ALKBH1: variants seen among roughly 807,000 people sequenced by gnomAD.
The protein encoded by ALKBH1 is alkB homolog 1, histone H2A dioxygenase.
ALKBH1 carries 31 observed loss-of-function variants against 36.6 expected under a neutral mutation model. The observed-to-expected ratio is 0.85, with a 90% CI of 0.64 to 1.14. ALKBH1 has a LOEUF of 1.14. Among genes scored for constraint, ALKBH1 ranks in the 50% most tolerant of loss-of-function variants. ALKBH1 has a pLI of 0.00. For missense variants in ALKBH1, 490 were observed against 497.3 expected, an observed-to-expected ratio of 0.99 and a Z score of 0.14; for synonymous variants, 183 against 186.6, an observed-to-expected ratio of 0.98 and a Z score of 0.16.
Position 77,673,532 on chromosome 14 carries a change from C to A in ALKBH1, c.*280G>T. 1 of 391,680 alleles carries A rather than the reference C, an allele frequency of 2.6e-6. No homozygotes were observed. The highest frequency in any genetic ancestry group is 4.6e-6 in the Non-Finnish European group (1 of 216,318). 24.3% of individuals were successfully genotyped at this position (391,680 alleles called of 1,614,324 possible). The stretch of plus-strand genomic sequence containing the variant: ...CCTTCCTCAAAGGAAATAGCAGAGG[C>A]TGAGAAGGCTGTTGTGGAAGAACAT... On this transcript the variant is annotated 3_prime_UTR_variant, in exon 6 of 6. Coordinates refer to ENST00000216489, the MANE Select transcript of ALKBH1 (RefSeq NM_006020.3).
chr14:77,673,526 C>T lies in ALKBH1; in HGVS notation c.*286G>A. 1 of 373,406 alleles carries T rather than the reference C, an allele frequency of 2.7e-6. No individual in the cohort carries two copies. The highest frequency in any genetic ancestry group is 4.9e-6 in the Non-Finnish European group (1 of 205,626). 23.1% of individuals were successfully genotyped at this position (373,406 alleles called of 1,614,324 possible). A position where few individuals can be genotyped will look rare whatever the true frequency, so the allele number is the denominator to read the frequency against. On this transcript the variant is annotated 3_prime_UTR_variant, in exon 6 of 6. Coordinates refer to ENST00000216489, the MANE Select transcript of ALKBH1 (RefSeq NM_006020.3). ...CTTCTACCTTCCTCAAAGGAAATAG[C>T]AGAGGCTGAGAAGGCTGTTGTGGAA...
chr14:77,692,916 A>AGT (rs1555384383), intron 3 of ALKBH1, among the ~76,000 whole-genome samples: 2 of 150,716 alleles, frequency 1.3e-5, no homozygotes, highest in African/African-American at 2.4e-5. Flanking sequence ...AAAAAAAAAA[A>AGT]TTTTTTTGGG....
intron 3 of ALKBH1, among the ~76,000 whole-genome samples, chr14:77,685,232 T>C (rs761352809): frequency 5.3e-5 from 8 of 151,774 alleles, no homozygotes; most frequent in Non-Finnish European, 8.8e-5. Flanking sequence ...CTCTTAAGGC[T>C]AGGAGTTCAA....
intron 3 of ALKBH1, among the ~76,000 whole-genome samples, chr14:77,681,241 T>C (rs557239083): frequency 1.5e-3 from 236 of 152,294 alleles, no homozygotes; most frequent in African/African-American, 5.3e-3. Flanking sequence ...TAAAGTCTAG[T>C]ACTAAAGTAA....
rs2080354258 is a variant in ALKBH1, at chr14:77,700,620, C to T, written c.292+3749G>A. Among the ~76,000 whole-genome samples, 3 of 152,140 alleles carry T rather than the reference C, an allele frequency of 2.0e-5. No individual in the cohort carries two copies. The South Asian group carries it at 6.2e-4, about 32-fold the overall frequency. On this transcript the variant is annotated intron_variant, in intron 2 of 5. Coordinates refer to ENST00000216489, the MANE Select transcript of ALKBH1 (RefSeq NM_006020.3). ...AGATAGGAAACCCCCCAACAACCTA[C>T]CACCTGCTATCACCACAATTTCACG...
intron 2 of ALKBH1, among the ~76,000 whole-genome samples, chr14:77,697,697 T>TAAAAAA (rs57516221): frequency 5.0e-4 from 52 of 104,590 alleles, no homozygotes; most frequent in East Asian, 1.8e-3. Context: ...TTTGCTGTAA[T>TAAAAAA]AAAAAAAAAA....
intron 2 of ALKBH1, among the ~76,000 whole-genome samples, chr14:77,700,205 G>T (rs1041033578): frequency 6.6e-6 from 1 of 152,106 alleles, no homozygotes; most frequent in Non-Finnish European, 1.5e-5. Context: ...TGCCATCGTA[G>T]AAATACACAG....
chr14:77,680,688 T>C lies in ALKBH1; in HGVS notation c.456-718A>G, dbSNP rs1163769780. On this transcript the variant is annotated intron_variant, in intron 3 of 5. Transcript: ENST00000216489. Reference sequence around the variant, plus strand: ...TGTGATTAACTACTCTTTTTTTTTTTTTTTTTTTGAGACAGAGTTTCGCTC... The same window carrying C: ...TGTGATTAACTACTCTTTTTTTTTTCTTTTTTTTGAGACAGAGTTTCGCTC... Among the ~76,000 whole-genome samples, 5 of 149,794 alleles carry C rather than the reference T, an allele frequency of 3.3e-5. No individual in the cohort carries two copies. The East Asian group carries it at 7.8e-4, about 23-fold the overall frequency.
intron 3 of ALKBH1, among the ~76,000 whole-genome samples, chr14:77,692,634 C>T (rs966351093): frequency 6.6e-6 from 1 of 152,056 alleles, no homozygotes; most frequent in Admixed American, 6.6e-5. Context: ...TCACTAAAAC[C>T]TTTACCATCT....
At chr14:77,686,464 A>G (rs993606114) in intron 3 of ALKBH1, among the ~76,000 whole-genome samples, 2 of 152,126 alleles carry the variant, frequency 1.3e-5, no homozygotes, top group African/African-American at 4.8e-5. Flanking sequence ...ACTAAAAAAG[A>G]AACATGCTAT....
chr14:77,702,260 C>T (rs2080363512), intron 2 of ALKBH1, among the ~76,000 whole-genome samples: 1 of 152,092 alleles, frequency 6.6e-6, no homozygotes, highest in South Asian at 2.1e-4. Context: ...GAGATCACAC[C>T]ACTGCACTCC....
In ALKBH1 at chr14:77,704,413, T is replaced by C. The variant is rs771662908; in HGVS notation, c.248A>G (p.Gln83Arg). The change falls in exon 2 of 6, where the codon CAG becomes CGG. Residue 83 changes from glutamine to arginine, a missense_variant. Transcript: ENST00000216489. ...SEQNAYRAGL[Q>R]PVSKWQAYGL... ...ATAGGCTTGCCACTTGCTGACGGGC[T>C]GAAGACCTGCTCTATATGCATTCTG... 6 of 1,614,208 alleles carry C rather than the reference T, an allele frequency of 3.7e-6. No homozygotes were observed. Among genetic ancestry groups the C allele is most frequent in the Non-Finnish European group, 5.1e-6 (6 of 1,180,028 alleles).
intron 2 of ALKBH1, among the ~76,000 whole-genome samples, chr14:77,695,581 C>T (rs1296449629): frequency 6.6e-6 from 1 of 152,182 alleles, no homozygotes; most frequent in African/African-American, 2.4e-5. Flanking sequence ...GTCCCTTTTC[C>T]AAGCTTCTCA....
In ALKBH1 at chr14:77,707,951, G is replaced by A. The variant is rs759853807; in HGVS notation, c.54C>T (p.Pro18=). ...AAAGTTTCCGAAAGGCGTCCTCCCC[G>A]GGCTCAGTCGCCAGAGTCGCCACAG... ...VGSVATLATE[P]GEDAFRKLFR... is the part of the protein sequence containing the mutation. Residue 18 remains proline (P), a synonymous_variant, in exon 1 of 6, where the codon CCC becomes CCT. Transcript: ENST00000216489. 1.2e-6 allele frequency: 2 copies of A among 1,613,222 alleles called. No individual in the cohort carries two copies. Among genetic ancestry groups the A allele is most frequent in the Non-Finnish European group, 8.5e-7 (1 of 1,179,926 alleles).
intron 2 of ALKBH1, among the ~76,000 whole-genome samples, chr14:77,703,201 G>A (rs1319399684): frequency 6.6e-6 from 1 of 152,000 alleles, no homozygotes; most frequent in Non-Finnish European, 1.5e-5. Flanking sequence ...CGGGCTGGTC[G>A]CAAATTCCTG....
rs754775874 is a variant in ALKBH1 at position 77,707,987 on chromosome 14, C to A, written c.18G>T (p.Ala6=). 1 of 1,610,352 alleles carries A rather than the reference C, an allele frequency of 6.2e-7. No individual in the cohort carries two copies. The highest frequency in any genetic ancestry group is 8.5e-7 in the Non-Finnish European group (1 of 1,177,838). The change falls in exon 1 of 6, where the codon GCG becomes GCT. Residue 6 remains alanine (A), a synonymous_variant. Transcript: ENST00000216489. ...CCAGAGTCGCCACAGAGCCCACGGC[C>A]GCTGCCATCTTCCCCATCTCGCGGC... MGKMA[A]AVGSVATLAT...
In ALKBH1 at chr14:77,707,862, G is replaced by A. The variant is rs376194557; in HGVS notation, c.143C>T (p.Ala48Val). The A allele has an allele frequency of 1.6e-5, 25 of 1,612,392 alleles. No individual in the cohort carries two copies. Among genetic ancestry groups the A allele is most frequent in the Non-Finnish European group, 1.8e-5 (21 of 1,179,254 alleles). ...ACCCTTGCCACGGGCTGCGTGGGCC[G>A]CCGAGAAGTCGATGACCCCTTCCAG... ...ADLEGVIDFS[A>V]AHAARGKGPG... Residue 48 changes from alanine to valine, a missense_variant, in exon 1 of 6, where the codon GCG becomes GTG. Physicochemically the swap from Ala to Val is moderately conservative, Grantham distance 64. Coordinates refer to ENST00000216489, the MANE Select transcript of ALKBH1 (RefSeq NM_006020.3).
chr14:77,694,268 A>G (rs2080314884), intron 3 of ALKBH1, among the ~76,000 whole-genome samples: 1 of 152,218 alleles, frequency 6.6e-6, no homozygotes, highest in Non-Finnish European at 1.5e-5. Context: ...GAATGAATGA[A>G]TGAATGTTGA....
chr14:77,707,996 C>T lies in ALKBH1; in HGVS notation c.9G>A (p.Lys3=). Residue 3 remains lysine, a synonymous_variant, in exon 1 of 6, where the codon AAG becomes AAA. Transcript: ENST00000216489. MG[K]MAAAVGSVAT... ...CCACAGAGCCCACGGCCGCTGCCAT[C>T]TTCCCCATCTCGCGGCCTATACCCT... 3 of 1,609,240 alleles carry T rather than the reference C, an allele frequency of 1.9e-6. No homozygotes were observed. Among genetic ancestry groups the T allele is most frequent in the Non-Finnish European group, 2.5e-6 (3 of 1,176,942 alleles).
Sources: allele counts gnomAD v4.1 joint callset (sites outside exome capture counted in the v4.1 genomes callset), GRCh38; gene constraint gnomAD v4.1.1; transcripts MANE v1.5; gene names NCBI Gene and HGNC (gene_info 2026-07-23, HGNC 2026-07-21).